The following PCDHGA8 variants were observed in gnomAD, a reference collection of about 807,000 sequenced individuals.
The protein encoded by PCDHGA8 is protocadherin gamma subfamily A, 8.
A neutral mutation model predicts 59.2 loss-of-function variants in PCDHGA8; 45 were observed. The observed-to-expected ratio is 0.76, with a 90% CI of 0.60 to 0.98. PCDHGA8 has a LOEUF of 0.98. Among genes scored for constraint, PCDHGA8 ranks in the 50% least tolerant of loss-of-function variants. The pLI, the probability that PCDHGA8 is intolerant of heterozygous loss-of-function variation, is 0.00. For missense variants in PCDHGA8, 1,257 were observed against 1,196.2 expected (o/e 1.05, Z -0.75); for synonymous variants, 531 against 519.0 (o/e 1.02, Z -0.32).
rs1467125550 is a variant in PCDHGA8 at position 141,511,799 on chromosome 5, T to G, written c.*626T>G. 6.4e-6 allele frequency: 1 copy of G among 157,228 alleles called. No homozygotes were observed. The highest frequency in any genetic ancestry group is 1.4e-5 in the Non-Finnish European group (1 of 70,874). 9.7% of individuals were successfully genotyped at this position (157,228 alleles called of 1,614,324 possible). ...TGCTTGCTGGATTTAGGGAGGGCAT[T>G]TTGCTACCAAGCCTCTTCCCAACGC... On this transcript the variant is annotated 3_prime_UTR_variant, in exon 4 of 4. Coordinates refer to ENST00000398604, the MANE Select transcript of PCDHGA8 (RefSeq NM_032088.2).
At chr5:141,399,642 G>C (rs755191053) in intron 1 of PCDHGA8, 3 of 1,613,750 alleles carry the variant, frequency 1.9e-6, no homozygotes, top group Non-Finnish European at 2.5e-6. Flanking sequence ...CCATGAGCGC[G>C]CAAAGTGGGG....
At chr5:141,418,655 G>A in intron 1 of PCDHGA8, 5 of 1,614,002 alleles carry the variant, frequency 3.1e-6, no homozygotes, top group Non-Finnish European at 4.2e-6. Flanking sequence ...GAGAGTGAAG[G>A]CCACTGACCA....
At chr5:141,478,165 C>T (rs780594020) in intron 1 of PCDHGA8, 18 of 1,613,920 alleles carry the variant, frequency 1.1e-5, no homozygotes, top group Non-Finnish European at 1.5e-5. Context: ...GCTCTGCCCC[C>T]CGGGAGCAGA....
intron 1 of PCDHGA8, chr5:141,420,411 T>C: frequency 8.1e-7 from 1 of 1,229,398 alleles, no homozygotes; most frequent in Non-Finnish European, 1.1e-6. Context: ...ATGGTTATCA[T>C]TATTAAAACA....
chr5:141,487,750 T>A lies in PCDHGA8; in HGVS notation c.2425-7057T>A, dbSNP rs2099664307. On this transcript the variant is annotated intron_variant, in intron 1 of 3. Coordinates refer to ENST00000398604, the MANE Select transcript of PCDHGA8 (RefSeq NM_032088.2). The surrounding 1 kb of genome is among the most constrained non-coding windows in gnomAD (Gnocchi z 5.0). Reference sequence around the variant, plus strand: ...TCACCATTTTTGTAAGAGGTAACTATGTGGTAGACGCTGTGCTTTGTAACT... The same window carrying A: ...TCACCATTTTTGTAAGAGGTAACTAAGTGGTAGACGCTGTGCTTTGTAACT... 1 of 1,555,392 alleles carries A rather than the reference T, an allele frequency of 6.4e-7. No homozygotes were observed. Among genetic ancestry groups the A allele is most frequent in the African/African-American group, 1.4e-5 (1 of 73,376 alleles).
rs1208504589 is a variant in PCDHGA8, at chr5:141,431,631, T to C, written c.2424+36394T>C. On this transcript the variant is annotated intron_variant, in intron 1 of 3. Coordinates refer to ENST00000398604, the MANE Select transcript of PCDHGA8 (RefSeq NM_032088.2). The surrounding 1 kb of genome is among the most constrained non-coding windows in gnomAD (Gnocchi z 4.8). ...TATGTGGACGACAAGGCGGCCCAAG[T>C]TTTCAAACTAGATTGTAATTCAGGG... The C allele has an allele frequency of 6.2e-6, 10 of 1,614,132 alleles. No individual in the cohort carries two copies. Among genetic ancestry groups the C allele is most frequent in the Non-Finnish European group, 8.5e-6 (10 of 1,180,016 alleles).
intron 1 of PCDHGA8, among the ~76,000 whole-genome samples, chr5:141,467,297 CT>C (rs1229166213): frequency 2.0e-5 from 3 of 152,182 alleles, no homozygotes; most frequent in African/African-American, 7.2e-5. Context: ...AAGTGATCCA[CT>C]CACCTCGGCC....
Position 141,510,938 on chromosome 5 carries a change from T to A in PCDHGA8, c.2573-9T>A. 1 of 1,614,026 alleles carries A rather than the reference T, an allele frequency of 6.2e-7. No homozygotes were observed. Among genetic ancestry groups the A allele is most frequent in the Non-Finnish European group, 8.5e-7 (1 of 1,179,984 alleles). ...TTAGCTCCCACCTGATCTTCCTCTG[T>A]CTCTGCAGAAGCTGCTGATGGGAGC... On this transcript the variant is annotated splice_polypyrimidine_tract_variant and intron_variant, in intron 3 of 3. Coordinates refer to ENST00000398604, the MANE Select transcript of PCDHGA8 (RefSeq NM_032088.2).
At chr5:141,424,092 C>G (rs1160250641) in intron 1 of PCDHGA8, 2 of 879,256 alleles carry the variant, frequency 2.3e-6, no homozygotes, top group Non-Finnish European at 2.8e-6. Context: ...CCATTATTTG[C>G]TATTACTGCT....
chr5:141,406,528 TGAC>T (rs1369720853), intron 1 of PCDHGA8, among the ~76,000 whole-genome samples: 4 of 152,246 alleles, frequency 2.6e-5, no homozygotes, highest in Non-Finnish European at 5.9e-5. Context: ...AGATATTTTC[TGAC>T]GAAGATTCAA....
At chr5:141,419,689 G>T in intron 1 of PCDHGA8, 1 of 1,613,000 alleles carries the variant, frequency 6.2e-7, no homozygotes, top group African/African-American at 1.3e-5. Context: ...ACGTGGTGCA[G>T]GCCAGTGAGC....
chr5:141,409,639 G>A, intron 1 of PCDHGA8: 1 of 1,613,760 alleles, frequency 6.2e-7, no homozygotes, highest in Non-Finnish European at 8.5e-7. Flanking sequence ...CCTCTGACCC[G>A]GATTTGGGGC....
At position 141,476,717 on chromosome 5, in the gene PCDHGA8, G is replaced by A. The variant is rs2099397053; in HGVS notation, c.2425-18090G>A. 6.2e-7 allele frequency: 1 copy of A among 1,614,048 alleles called. No homozygotes were observed. The stretch of plus-strand genomic sequence containing the variant: ...GTACGCGGAGCTGGTGTTGGAGCGC[G>A]CCCTGGACCGAGAACGGGAGCCTAG... On this transcript the variant is annotated intron_variant, in intron 1 of 3. Transcript: ENST00000398604. This position sits in a 1 kb window ranked among gnomAD's most constrained non-coding sequence, Gnocchi z 7.6.
rs141397385 is a variant in PCDHGA8 at position 141,476,135 on chromosome 5, A to C, written c.2425-18672A>C. 8.4e-4 allele frequency: 1,352 copies of C among 1,608,526 alleles called. 1 individual carries two copies. Among genetic ancestry groups the C allele is most frequent in the Non-Finnish European group, 1.1e-3 (1,319 of 1,178,332 alleles). On this transcript the variant is annotated intron_variant, in intron 1 of 3. Transcript: ENST00000398604. This position sits in a 1 kb window ranked among gnomAD's most constrained non-coding sequence, Gnocchi z 7.6. ...GAGTGAGATGGTCCCAGAGGCCTGG[A>C]GGAGCGGACTGGTAAGCACCGGGAG...
chr5:141,495,878 T>C (rs2099764378), intron 2 of PCDHGA8, among the ~76,000 whole-genome samples: 1 of 152,184 alleles, frequency 6.6e-6, no homozygotes, highest in African/African-American at 2.4e-5. Context: ...TTCCTCTCTG[T>C]TCTTTGTCTC....
At chr5:141,509,275 G>A (rs185255724) in intron 3 of PCDHGA8, among the ~76,000 whole-genome samples, 1 of 152,096 alleles carries the variant, frequency 6.6e-6, no homozygotes, top group East Asian at 1.9e-4. Flanking sequence ...CTCGCTACCC[G>A]CTCCCAGGGT....
intron 3 of PCDHGA8, chr5:141,508,275 T>G (rs1030431371): frequency 6.6e-6 from 1 of 152,138 alleles, no homozygotes. Context: ...ATCCCGGTCC[T>G]TGACCAAGGT....
chr5:141,486,803 C>T lies in PCDHGA8; in HGVS notation c.2425-8004C>T. 1 of 1,614,228 alleles carries T rather than the reference C, an allele frequency of 6.2e-7. No homozygotes were observed. Among genetic ancestry groups the T allele is most frequent in the South Asian group, 1.1e-5 (1 of 91,084 alleles). ...GCAGGCCCGGGATCGGGGCAACCCACCCCTTAGCAGCACTGTAACAGTTCG... is the reference window on the plus strand; with the variant it reads ...GCAGGCCCGGGATCGGGGCAACCCATCCCTTAGCAGCACTGTAACAGTTCG... On this transcript the variant is annotated intron_variant, in intron 1 of 3. Coordinates refer to ENST00000398604, the MANE Select transcript of PCDHGA8 (RefSeq NM_032088.2). The surrounding 1 kb of genome is among the most constrained non-coding windows in gnomAD (Gnocchi z 5.0).
chr5:141,469,853 G>A (rs549678022), intron 1 of PCDHGA8, among the ~76,000 whole-genome samples: 5 of 152,270 alleles, frequency 3.3e-5, no homozygotes, highest in South Asian at 2.1e-4. Context: ...GATTCAGACC[G>A]GGTGCAATGG....
Sources: allele counts gnomAD v4.1 joint callset (sites outside exome capture counted in the v4.1 genomes callset), GRCh38; gene constraint gnomAD v4.1.1; non-coding constraint Gnocchi (gnomAD v3.1); transcripts MANE v1.5; gene names NCBI Gene and HGNC (gene_info 2026-07-23, HGNC 2026-07-21).